The following SRPK2 variants were observed in gnomAD, a reference collection of about 807,000 sequenced individuals.
SRPK2 encodes the protein SRSF protein kinase 2.
A neutral mutation model predicts 90.8 loss-of-function variants in SRPK2; 21 were observed. The ratio of observed to expected loss-of-function variants is 0.23; its 90% confidence interval spans 0.16 to 0.33. The LOEUF is 0.33. Ranked by LOEUF, SRPK2 falls within the 10% of genes least tolerant of loss-of-function variation. The pLI, the probability that SRPK2 is intolerant of heterozygous loss-of-function variation, is 1.00. For missense variants in SRPK2, 620 were observed against 869.0 expected, an observed-to-expected ratio of 0.71 and a Z score of 3.60; for synonymous variants, 288 against 311.1, an observed-to-expected ratio of 0.93 and a Z score of 0.78.
At chr7:105,248,622 A>G (rs1338130417) in intron 2 of SRPK2, among the ~76,000 whole-genome samples, 2 of 151,866 alleles carry the variant, frequency 1.3e-5, no homozygotes, top group African/African-American at 4.8e-5. Flanking sequence ...ACAAATAAAC[A>G]AACAAAAAAG....
At chr7:105,123,823 A>T (rs1292401149) in intron 15 of SRPK2, among the ~76,000 whole-genome samples, 2 of 152,134 alleles carry the variant, frequency 1.3e-5, no homozygotes, top group African/African-American at 4.8e-5. Context: ...ATTTCAGGGG[A>T]TTTCTCACCT....
At chr7:105,386,630 T>A (rs1005013096) in intron 2 of SRPK2, among the ~76,000 whole-genome samples, 1 of 152,096 alleles carries the variant, frequency 6.6e-6, no homozygotes, top group Admixed American at 6.6e-5. Flanking sequence ...GGCAGGAGAA[T>A]CCCTTGAACC....
At chr7:105,247,521 C>A (rs945035782) in intron 2 of SRPK2, among the ~76,000 whole-genome samples, 1 of 118,940 alleles carries the variant, frequency 8.4e-6, no homozygotes. Context: ...AAAAAACACA[C>A]ACACACATAA....
intron 2 of SRPK2, among the ~76,000 whole-genome samples, chr7:105,303,085 T>G (rs1053950995): frequency 4.2e-4 from 62 of 148,086 alleles, no homozygotes; most frequent in Middle Eastern, 3.4e-3. Flanking sequence ...AAAAAAAAGG[T>G]GGGGGGGAGA....
intron 11 of SRPK2, among the ~76,000 whole-genome samples, chr7:105,133,849 G>C (rs2129575174): frequency 6.6e-6 from 1 of 152,214 alleles, no homozygotes; most frequent in Admixed American, 6.5e-5. Context: ...TGACTCCAGG[G>C]AATCTCAAAG....
intron 3 of SRPK2, among the ~76,000 whole-genome samples, chr7:105,176,712 T>C (rs1460505307): frequency 1.9e-4 from 3 of 15,884 alleles, no homozygotes; most frequent in African/African-American, 7.8e-4. Flanking sequence ...TATGTGTATG[T>C]GTGTGTGTGT....
chr7:105,132,338 T>A (rs1467166493), intron 13 of SRPK2, among the ~76,000 whole-genome samples: 1 of 152,220 alleles, frequency 6.6e-6, no homozygotes, highest in Non-Finnish European at 1.5e-5. Flanking sequence ...ACCCTGCATG[T>A]CTGGTTGACC....
At chr7:105,190,199 A>T (rs1346434935) in intron 3 of SRPK2, among the ~76,000 whole-genome samples, 1 of 152,240 alleles carries the variant, frequency 6.6e-6, no homozygotes, top group Non-Finnish European at 1.5e-5. Context: ...GCAGGGGCTG[A>T]CAAGTGAGGA....
At chr7:105,124,278 TTTCC>T (rs1452661026) in intron 15 of SRPK2, among the ~76,000 whole-genome samples, 1 of 152,202 alleles carries the variant, frequency 6.6e-6, no homozygotes, top group African/African-American at 2.4e-5. Context: ...TCTGTCCCTC[TTTCC>T]TTCCTTCCCG....
At chr7:105,394,888 C>G (rs1399171508) in intron 1 of SRPK2, among the ~76,000 whole-genome samples, 1 of 152,098 alleles carries the variant, frequency 6.6e-6, no homozygotes, top group South Asian at 2.1e-4. Context: ...CAAAACAAAA[C>G]AGCCGGGCGC....
intron 2 of SRPK2, among the ~76,000 whole-genome samples, chr7:105,336,281 G>C (rs547381635): frequency 1.4e-4 from 22 of 152,172 alleles, no homozygotes; most frequent in African/African-American, 4.1e-4. Flanking sequence ...ATTCTGCTTT[G>C]GAAAAGTCTG....
intron 13 of SRPK2, among the ~76,000 whole-genome samples, chr7:105,127,974 C>T (rs1022204743): frequency 1.3e-5 from 2 of 152,180 alleles, no homozygotes; most frequent in Non-Finnish European, 2.9e-5. Context: ...TCCCCATTCC[C>T]GCCCCAAGGA....
At position 105,301,461 on chromosome 7, in the gene SRPK2, G is replaced by A. The variant is rs796858475; in HGVS notation, c.71+87187C>T. The A allele has an allele frequency of 5.4e-5, 50 of 927,052 alleles. No individual in the cohort carries two copies. The African/African-American group carries it at 5.7e-4, about 11-fold the overall frequency. 57.4% of individuals were successfully genotyped at this position (927,052 alleles called of 1,614,324 possible). ...GCCGGGCCTCTGGGCCGCTGCCCTC[G>A]CTTTGTCTTCGTTGTTGCAAGCACC... On this transcript the variant is annotated intron_variant, in intron 2 of 15. Coordinates refer to ENST00000393651, the MANE Select transcript of SRPK2 (RefSeq NM_182692.3).
chr7:105,183,038 T>A (rs1354794652), intron 3 of SRPK2, among the ~76,000 whole-genome samples: 1 of 152,222 alleles, frequency 6.6e-6, no homozygotes, highest in Non-Finnish European at 1.5e-5. Context: ...AGCCAAGCTA[T>A]CACGGGATCC....
intron 11 of SRPK2, among the ~76,000 whole-genome samples, chr7:105,137,383 G>A (rs1046098135): frequency 2.0e-5 from 3 of 152,156 alleles, no homozygotes; most frequent in Admixed American, 2.0e-4. Flanking sequence ...AGGCGAGGGT[G>A]GGTAAGGGGG....
intron 13 of SRPK2, among the ~76,000 whole-genome samples, chr7:105,131,220 C>T (rs73717962): frequency 0.047 from 7,131 of 152,254 alleles, 574 homozygotes; most frequent in African/African-American, 0.16. Flanking sequence ...CTGCTAGTGG[C>T]CATTGTGGTC....
chr7:105,190,461 T>G (rs1392090978), intron 3 of SRPK2, among the ~76,000 whole-genome samples: 1 of 152,206 alleles, frequency 6.6e-6, no homozygotes, highest in East Asian at 1.9e-4. Context: ...TCTCAAAGGC[T>G]TGTCATTGAA....
intron 2 of SRPK2, among the ~76,000 whole-genome samples, chr7:105,382,759 G>A (rs978285835): frequency 2.0e-5 from 3 of 152,118 alleles, no homozygotes; most frequent in African/African-American, 7.2e-5. Context: ...TTTGAAGAGA[G>A]AGTGACTGTT....
intron 3 of SRPK2, among the ~76,000 whole-genome samples, chr7:105,202,070 G>A (rs1463698842): frequency 1.3e-5 from 2 of 151,692 alleles, no homozygotes; most frequent in Non-Finnish European, 2.9e-5. Flanking sequence ...CTTTGGGGTT[G>A]TAACCACTAT....
Sources: gnomAD v4.1 joint callset for allele counts (sites outside exome capture counted in the v4.1 genomes callset) on GRCh38, gnomAD v4.1.1 for gene constraint, MANE v1.5 for transcripts, NCBI Gene and HGNC (gene_info 2026-07-23, HGNC 2026-07-21) for gene names.